PTH2R: variants seen among roughly 807,000 people sequenced by gnomAD.
PTH2R encodes the protein PTH2 receptor.
A neutral mutation model predicts 60.3 loss-of-function variants in PTH2R; 59 were observed. That is an observed-to-expected ratio of 0.98 (90% CI 0.79 to 1.22). The LOEUF is 1.22. Among genes scored for constraint, PTH2R ranks in the 50% most tolerant of loss-of-function variants. The pLI, the probability that PTH2R is intolerant of heterozygous loss-of-function variation, is 0.00. For missense variants in PTH2R, 749 were observed against 682.6 expected (o/e 1.10, Z -1.08); for synonymous variants, 256 against 243.8 (o/e 1.05, Z -0.47).
chr2:208,432,328 C>A (rs1198944652), intron 2 of PTH2R, among the ~76,000 whole-genome samples: 1 of 152,100 alleles, frequency 6.6e-6, no homozygotes, highest in African/African-American at 2.4e-5. Context: ...ATAGGGACGG[C>A]AGGCATCTTT....
At chr2:208,433,240 C>T (rs1031125523) in intron 2 of PTH2R, among the ~76,000 whole-genome samples, 3 of 152,294 alleles carry the variant, frequency 2.0e-5, no homozygotes, top group Non-Finnish European at 2.9e-5. Flanking sequence ...ACACTTCCTT[C>T]GAGATCGTTA....
intron 2 of PTH2R, among the ~76,000 whole-genome samples, chr2:208,432,077 T>C (rs1480958094): frequency 1.3e-5 from 2 of 152,204 alleles, no homozygotes; most frequent in Admixed American, 6.5e-5. Context: ...GGAAATCTAC[T>C]AACAAAGAGA....
At chr2:208,392,521 A>G (rs1701124766) in intron 1 of PTH2R, among the ~76,000 whole-genome samples, 1 of 152,140 alleles carries the variant, frequency 6.6e-6, no homozygotes, top group Non-Finnish European at 1.5e-5. Context: ...GGGGGAGACA[A>G]AGAGTTTGTC....
chr2:208,393,787 T>C (rs1701153248), intron 1 of PTH2R, among the ~76,000 whole-genome samples: 1 of 152,208 alleles, frequency 6.6e-6, no homozygotes, highest in Non-Finnish European at 1.5e-5. Context: ...CTTTATTTGC[T>C]TAAGATCCTG....
At chr2:208,450,681 T>A in intron 7 of PTH2R, 68 bp from the exon 8 acceptor site, 1 of 1,474,236 alleles carries the variant, frequency 6.8e-7, no homozygotes, top group South Asian at 1.1e-5. Context: ...TTATATATGG[T>A]GAATTTGAGG....
chr2:208,486,300 T>C (rs1184681385), intron 10 of PTH2R, among the ~76,000 whole-genome samples: 1 of 152,244 alleles, frequency 6.6e-6, no homozygotes, highest in African/African-American at 2.4e-5. Flanking sequence ...CATGGAGTTA[T>C]AGAAGAGCTT....
At chr2:208,408,273 T>G (rs1179332773) in intron 1 of PTH2R, among the ~76,000 whole-genome samples, 1 of 152,204 alleles carries the variant, frequency 6.6e-6, no homozygotes, top group African/African-American at 2.4e-5. Flanking sequence ...AAGATACACT[T>G]AAACCTGAAA....
Position 208,443,493 on chromosome 2 carries a change from C to T in PTH2R, c.655C>T (p.Pro219Ser), listed in dbSNP as rs1702229298. The stretch of plus-strand genomic sequence containing the variant: ...GGAGTCCCTAATAATGCAGGATGAC[C>T]CACAAAATTCCATTGAGGCAACTTC... ...ELESLIMQDD[P>S]QNSIEATSVD... Residue 219 changes from proline to serine, a missense_variant, in exon 6 of 13, where the codon CCA becomes TCA. Physicochemically the swap from Pro to Ser is moderately conservative, Grantham distance 74. Coordinates refer to ENST00000272847, the MANE Select transcript of PTH2R (RefSeq NM_005048.4). 1.6e-5 allele frequency: 26 copies of T among 1,611,110 alleles called. No individual in the cohort carries two copies. Among genetic ancestry groups the T allele is most frequent in the Non-Finnish European group, 2.0e-5 (24 of 1,178,964 alleles).
intron 2 of PTH2R, among the ~76,000 whole-genome samples, chr2:208,435,459 C>A (rs1702056088): frequency 6.6e-6 from 1 of 152,044 alleles, no homozygotes. Context: ...CATACGGGCC[C>A]TTTAAAGTGG....
chr2:208,488,047 G>A (rs1188160287), intron 10 of PTH2R, among the ~76,000 whole-genome samples: 1 of 152,182 alleles, frequency 6.6e-6, no homozygotes, highest in African/African-American at 2.4e-5. Flanking sequence ...TAGCAGGAGG[G>A]GGGATCATGG....
chr2:208,401,691 T>C (rs2105824655), intron 1 of PTH2R, among the ~76,000 whole-genome samples: 1 of 152,318 alleles, frequency 6.6e-6, no homozygotes, highest in East Asian at 1.9e-4. Flanking sequence ...TCGAATGCCC[T>C]CTTCAGCATC....
chr2:208,393,903 TG>T (rs1395649222), intron 1 of PTH2R, among the ~76,000 whole-genome samples: 1 of 152,064 alleles, frequency 6.6e-6, no homozygotes, highest in African/African-American at 2.4e-5. Context: ...CTGGTAGAGC[TG>T]GAGGAGTGGA....
intron 1 of PTH2R, among the ~76,000 whole-genome samples, chr2:208,419,847 G>A (rs1050073123): frequency 6.6e-6 from 1 of 152,072 alleles, no homozygotes; most frequent in Admixed American, 6.5e-5. Flanking sequence ...TATGTTTATT[G>A]CGGCACTATT....
chr2:208,378,239 G>GGC (rs1700845732), intron 1 of PTH2R, among the ~76,000 whole-genome samples: 1 of 149,572 alleles, frequency 6.7e-6, no homozygotes, highest in Admixed American at 6.7e-5. Context: ...CAGGCGTGGC[G>GGC]GCGCGCACCT....
intron 7 of PTH2R, among the ~76,000 whole-genome samples, chr2:208,445,519 ATTGT>A (rs919067654): frequency 1.1e-4 from 17 of 152,284 alleles, no homozygotes; most frequent in African/African-American, 4.1e-4. Context: ...GAGAAAAGAA[ATTGT>A]TTGCTTGTTA....
At chr2:208,420,967 A>G (rs1276387796) in intron 1 of PTH2R, among the ~76,000 whole-genome samples, 1 of 152,176 alleles carries the variant, frequency 6.6e-6, no homozygotes, top group East Asian at 1.9e-4. Flanking sequence ...GGCAACTACT[A>G]ATTGGTTTTT....
chr2:208,366,653 G>A (rs1002576682), intron 1 of PTH2R, among the ~76,000 whole-genome samples: 1 of 152,172 alleles, frequency 6.6e-6, no homozygotes, highest in Non-Finnish European at 1.5e-5. Context: ...TTCTGTTAAT[G>A]TGCTGTACTG....
chr2:208,481,803 G>T (rs1045816157), intron 10 of PTH2R, among the ~76,000 whole-genome samples: 2 of 152,170 alleles, frequency 1.3e-5, no homozygotes, highest in Admixed American at 1.3e-4. Flanking sequence ...TAACTGAAAA[G>T]ATCAAGTGGA....
At chr2:208,430,393 G>A (rs1701944460) in intron 2 of PTH2R, among the ~76,000 whole-genome samples, 1 of 151,738 alleles carries the variant, frequency 6.6e-6, no homozygotes, top group African/African-American at 2.4e-5. Context: ...TGTCAACCTT[G>A]AAAGATACTT....
Sources: allele counts gnomAD v4.1 joint callset (sites outside exome capture counted in the v4.1 genomes callset), GRCh38; gene constraint gnomAD v4.1.1; transcripts MANE v1.5; gene names NCBI Gene and HGNC (gene_info 2026-07-23, HGNC 2026-07-21).